The following BICRA variants were observed in gnomAD, a reference collection of about 807,000 sequenced individuals.
BICRA encodes the protein BRD4-interacting chromatin-remodeling complex-associated protein.
In BICRA, 31 loss-of-function variants were observed where a neutral mutation model predicts 96.9. The ratio of observed to expected loss-of-function variants is 0.32; its 90% CI spans 0.24 to 0.43. The LOEUF is 0.43. Among genes scored for constraint, BICRA ranks in the 20% least tolerant of loss-of-function variants. The probability of loss-of-function intolerance (pLI) is 1.00; values close to 1 mark genes in which losing one functional copy is unlikely to be tolerated. For missense variants in BICRA, 2,283 were observed against 2,190.3 expected (o/e 1.04, Z -0.84); for synonymous variants, 1,350 against 1,071.8 (o/e 1.26, Z -5.07).
chr19:47,676,772 A>G (rs1972948708), intron 5 of BICRA, among the ~76,000 whole-genome samples: 1 of 151,958 alleles, frequency 6.6e-6, no homozygotes, highest in South Asian at 2.1e-4. Flanking sequence ...TAGTAATTAT[A>G]TAATGTTGGT....
At position 47,680,453 on chromosome 19, in the gene BICRA, C is replaced by T. The variant is rs1278314448; in HGVS notation, c.1283C>T (p.Pro428Leu). The T allele has an allele frequency of 1.9e-6, 3 of 1,539,572 alleles. No individual in the cohort carries two copies. The highest frequency in any genetic ancestry group is 2.4e-5 in the East Asian group (1 of 40,828). ...CAAGCGAACGTCTTCAAGCAGCCAC[C>T]GGCCACCACCACCGGAGCGGCCCCG... ...ALQANVFKQP[P>L]ATTTGAAPPQ... Residue 428 changes from proline (P) to leucine (L), a missense_variant, in exon 6 of 15, where the codon CCG becomes CTG. Coordinates refer to ENST00000594866, the MANE Select transcript of BICRA (RefSeq NM_001394372.1).
chr19:47,634,295 A>G (rs897342309), intron 1 of BICRA, among the ~76,000 whole-genome samples: 1 of 152,062 alleles, frequency 6.6e-6, no homozygotes, highest in Non-Finnish European at 1.5e-5. Flanking sequence ...AGGAAGGGGG[A>G]AAGACATCAT....
chr19:47,697,229 C>T (rs1320022969), intron 11 of BICRA, among the ~76,000 whole-genome samples: 1 of 152,016 alleles, frequency 6.6e-6, no homozygotes, highest in African/African-American at 2.4e-5. Flanking sequence ...AGTGATCCAC[C>T]TGCCTCGGCC....
At chr19:47,695,342 T>TCGGGGGGGGCCCC in intron 9 of BICRA, 23 bp from the exon 10 acceptor site, 7 of 630,198 alleles carry the variant, frequency 1.1e-5, no homozygotes, top group South Asian at 1.9e-5. Context: ...AGGCCCTGTC[T>TCGGGGGGGGCCCC]CCCCCACCCC....
chr19:47,666,170 C>T (rs377039056), intron 1 of BICRA, among the ~76,000 whole-genome samples: 1 of 152,190 alleles, frequency 6.6e-6, no homozygotes, highest in African/African-American at 2.4e-5. Context: ...CGGCTGGGAA[C>T]GGGAAGTGGC....
At chr19:47,609,528 G>A (rs1378028395) in intron 1 of BICRA, among the ~76,000 whole-genome samples, 1 of 147,212 alleles carries the variant, frequency 6.8e-6, no homozygotes, top group Non-Finnish European at 1.5e-5. Flanking sequence ...GTGCCTCCCC[G>A]GCCCTCCCGC....
At chr19:47,672,884 G>A (rs142065960) in intron 2 of BICRA, among the ~76,000 whole-genome samples, 1 of 152,136 alleles carries the variant, frequency 6.6e-6, no homozygotes, top group East Asian at 1.9e-4. Flanking sequence ...TTGCCCCGGT[G>A]GCTTCTCTGA....
At chr19:47,689,610 C>T (rs891902853) in intron 7 of BICRA, among the ~76,000 whole-genome samples, 1 of 152,132 alleles carries the variant, frequency 6.6e-6, no homozygotes, top group African/African-American at 2.4e-5. Flanking sequence ...CAGGGTTTCG[C>T]CATGTTGGCC....
At chr19:47,692,469 A>T (rs576467058) in intron 7 of BICRA, among the ~76,000 whole-genome samples, 1 of 152,112 alleles carries the variant, frequency 6.6e-6, no homozygotes, top group Non-Finnish European at 1.5e-5. Context: ...ACCTCTGGTT[A>T]TCTGCCCGCC....
Position 47,681,113 on chromosome 19 carries a change from C to A in BICRA, c.1943C>A (p.Pro648Gln), listed in dbSNP as rs563305326. 2 of 1,476,654 alleles carry A rather than the reference C, an allele frequency of 1.4e-6. No homozygotes were observed. Among genetic ancestry groups the A allele is most frequent in the East Asian group, 2.5e-5 (1 of 39,806 alleles). The allele number at this position is 1,476,654 out of a possible 1,614,324, so 91.5% of individuals were successfully genotyped here. A position where few individuals can be genotyped will look rare whatever the true frequency, so the allele number is the denominator to read the frequency against. Reference protein sequence around the residue: ...GLQQPQAQQPPQAPTPQAAAP... With the variant: ...GLQQPQAQQPQQAPTPQAAAP... ...CAGCAGCCGCAGGCGCAGCAGCCCCCGCAGGCCCCCACCCCACAGGCCGCC... is the reference window on the plus strand; with the variant it reads ...CAGCAGCCGCAGGCGCAGCAGCCCCAGCAGGCCCCCACCCCACAGGCCGCC... The change falls in exon 6 of 15, where the codon CCG becomes CAG. Residue 648 changes from proline (P) to glutamine (Q), a missense_variant. By Grantham distance (76) the Pro-to-Gln change is moderately conservative (BLOSUM62 -1). Coordinates refer to ENST00000594866, the MANE Select transcript of BICRA (RefSeq NM_001394372.1).
Position 47,701,299 on chromosome 19 carries a change from C to T in BICRA, c.3596-29C>T, listed in dbSNP as rs1406428423. 5 of 1,571,468 alleles carry T rather than the reference C, an allele frequency of 3.2e-6. No homozygotes were observed. The African/African-American group carries it at 4.0e-5, about 13-fold the overall frequency. Reference sequence around the variant, plus strand: ...GGTCGGGGGGTCCTCATCCTAACCCCGCGGGTTTTCTTTGCCCCGATTCTG... The same window carrying T: ...GGTCGGGGGGTCCTCATCCTAACCCTGCGGGTTTTCTTTGCCCCGATTCTG... On this transcript the variant is annotated intron_variant, in intron 14 of 14. Transcript: ENST00000594866. This position sits in a 1 kb window ranked among gnomAD's most constrained non-coding sequence, Gnocchi z 5.4.
At chr19:47,615,156 A>G (rs1243005398) in intron 1 of BICRA, among the ~76,000 whole-genome samples, 2 of 152,054 alleles carry the variant, frequency 1.3e-5, no homozygotes, top group Admixed American at 1.3e-4. Flanking sequence ...GGGAGTTTTA[A>G]TATTTTTGGT....
At chr19:47,695,342 T>TCCGGGCCCCCCCCCCCCCCCCCCCCCCC in intron 9 of BICRA, 23 bp from the exon 10 acceptor site, 1 of 630,200 alleles carries the variant, frequency 1.6e-6, no homozygotes, top group East Asian at 2.8e-5. Flanking sequence ...AGGCCCTGTC[T>TCCGGGCCCCCCCCCCCCCCCCCCCCCCC]CCCCCACCCC....
At chr19:47,653,681 T>TGC (rs1972573065) in intron 1 of BICRA, among the ~76,000 whole-genome samples, 1 of 152,220 alleles carries the variant, frequency 6.6e-6, no homozygotes, top group African/African-American at 2.4e-5. Flanking sequence ...TTGGAGCGTG[T>TGC]GCCAGTGTTC....
chr19:47,696,067 GC>G (rs1299748861), intron 10 of BICRA, among the ~76,000 whole-genome samples: 4 of 152,072 alleles, frequency 2.6e-5, no homozygotes, highest in Admixed American at 2.6e-4. Context: ...AGGCGGGGGG[GC>G]GAAACGACAG....
intron 1 of BICRA, among the ~76,000 whole-genome samples, chr19:47,660,794 T>C (rs1420579774): frequency 6.6e-6 from 1 of 152,224 alleles, no homozygotes; most frequent in Non-Finnish European, 1.5e-5. Flanking sequence ...GTTCAAATCC[T>C]GGCTCTTGGG....
At chr19:47,668,353 G>C (rs1972813576) in intron 1 of BICRA, among the ~76,000 whole-genome samples, 1 of 152,138 alleles carries the variant, frequency 6.6e-6, no homozygotes, top group Non-Finnish European at 1.5e-5. Context: ...GGGTAGAGTG[G>C]CCAAAAAAAT....
intron 1 of BICRA, among the ~76,000 whole-genome samples, chr19:47,616,215 C>T (rs2123504882): frequency 6.6e-6 from 1 of 152,258 alleles, no homozygotes; most frequent in African/African-American, 2.4e-5. Flanking sequence ...ATAGCAAGCG[C>T]CCAAAAAATG....
rs1973388151 is a variant in BICRA at position 47,698,703 on chromosome 19, C to T, written c.3318C>T (p.Ser1106=). 4 of 1,602,650 alleles carry T rather than the reference C, an allele frequency of 2.5e-6. No homozygotes were observed. Among genetic ancestry groups the T allele is most frequent in the Non-Finnish European group, 3.4e-6 (4 of 1,169,660 alleles). Residue 1106 remains serine, a synonymous_variant, in exon 12 of 15, where the codon TCC becomes TCT. Transcript: ENST00000594866. The surrounding 1 kb of genome is among the most constrained non-coding windows in gnomAD (Gnocchi z 4.8). The part of the protein sequence containing the change: ...LHPDYKTAFP[S]FEDALHRLLP... ...CCGACTACAAGACGGCCTTCCCCTC[C>T]TTTGAGGACGCCCTGCATCGCCTCC...
Sources: gnomAD v4.1 joint callset for allele counts (sites outside exome capture counted in the v4.1 genomes callset) on GRCh38, gnomAD v4.1.1 for gene constraint, Gnocchi (gnomAD v3.1) non-coding constraint, MANE v1.5 for transcripts, NCBI Gene and HGNC (gene_info 2026-07-23, HGNC 2026-07-21) for gene names.